Variants in IL20RB observed in about 807,000 individuals in gnomAD.
IL20RB encodes interleukin 20 receptor subunit beta.
A neutral mutation model predicts 33.3 loss-of-function variants in IL20RB; 21 were observed. The ratio of observed to expected loss-of-function variants is 0.63; its 90% CI spans 0.45 to 0.91. The LOEUF (loss-of-function observed/expected upper bound fraction) is 0.91, where lower values mean the gene tolerates loss of function less well. Among genes scored for constraint, IL20RB ranks in the 40% least tolerant of loss-of-function variants. The pLI, the probability that IL20RB is intolerant of heterozygous loss-of-function variation, is 0.00. For synonymous variants in IL20RB, 147 were observed against 146.8 expected (o/e 1.00, Z -0.01); for missense variants, 345 against 384.8 (o/e 0.90, Z 0.86).
At chr3:136,996,253 C>T (rs918073064) in intron 6 of IL20RB, among the ~76,000 whole-genome samples, 2 of 152,142 alleles carry the variant, frequency 1.3e-5, no homozygotes, top group Non-Finnish European at 2.9e-5. Context: ...CCTCCAACAG[C>T]TCCCCCATGT....
At chr3:136,980,323 T>G in intron 1 of IL20RB, 143 bp from the exon 2 acceptor site, 3 of 880,294 alleles carry the variant, frequency 3.4e-6, no homozygotes, top group East Asian at 2.4e-5. Context: ...TCTCATTCTG[T>G]TGTCTAGGCT....
chr3:136,978,244 C>T (rs550858139), intron 1 of IL20RB, among the ~76,000 whole-genome samples: 2 of 150,966 alleles, frequency 1.3e-5, no homozygotes, highest in East Asian at 3.9e-4. Flanking sequence ...TGGCTCACTG[C>T]AACCTCCGTC....
intron 1 of IL20RB, among the ~76,000 whole-genome samples, chr3:136,961,401 AC>A (rs1560063389): frequency 6.6e-6 from 1 of 151,796 alleles, no homozygotes; most frequent in Non-Finnish European, 1.5e-5. Context: ...CACCTGGGGA[AC>A]TTTTTAAAAG....
intron 1 of IL20RB, among the ~76,000 whole-genome samples, chr3:136,975,911 G>A (rs1408980828): frequency 6.6e-6 from 1 of 152,216 alleles, no homozygotes. Flanking sequence ...AGTGGTAGTG[G>A]TGGACTGGGC....
Position 136,997,317 on chromosome 3 carries a change from C to T in IL20RB, c.825+1761C>T, listed in dbSNP as rs551775812. Among the ~76,000 whole-genome samples the T allele has an allele frequency of 1.8e-3, 276 of 152,260 alleles. 1 individual carries two copies. Among genetic ancestry groups the T allele is most frequent in the African/African-American group, 6.3e-3 (263 of 41,540 alleles). ...CCATGTTGGCCAGGCTGGTCTCAAA[C>T]TCCTGACCTCATGATCCACCCACCT... is the stretch of plus-strand genomic sequence containing the variant. On this transcript the variant is annotated intron_variant, in intron 6 of 6. Coordinates refer to ENST00000329582, the MANE Select transcript of IL20RB (RefSeq NM_144717.4).
intron 3 of IL20RB, among the ~76,000 whole-genome samples, chr3:136,988,795 C>A (rs1181615239): frequency 6.6e-6 from 1 of 151,896 alleles, no homozygotes; most frequent in Non-Finnish European, 1.5e-5. Context: ...CAGCTGAGAA[C>A]TGGGCTGAGA....
intron 3 of IL20RB, among the ~76,000 whole-genome samples, chr3:136,986,415 C>T (rs1420699500): frequency 6.6e-6 from 1 of 152,054 alleles, no homozygotes; most frequent in East Asian, 1.9e-4. Flanking sequence ...ATTCTGGTCT[C>T]AATAAAGATG....
intron 1 of IL20RB, among the ~76,000 whole-genome samples, chr3:136,958,511 GTTCT>G (rs1941104531): frequency 6.6e-6 from 1 of 152,210 alleles, no homozygotes; most frequent in South Asian, 2.1e-4. Flanking sequence ...GTGCAATGTA[GTTCT>G]TTCAGACTTA....
chr3:136,999,685 T>G (rs566025133), intron 6 of IL20RB, among the ~76,000 whole-genome samples: 1 of 152,220 alleles, frequency 6.6e-6, no homozygotes, highest in African/African-American at 2.4e-5. Context: ...CTTCTTTTCC[T>G]CTTCTTTATT....
chr3:137,003,764 CT>C (rs1178552052), intron 6 of IL20RB, among the ~76,000 whole-genome samples: 5 of 152,198 alleles, frequency 3.3e-5, no homozygotes, highest in Non-Finnish European at 7.3e-5. Flanking sequence ...TTATTTCCTT[CT>C]CTTGCCTGCT....
chr3:136,979,016 G>T (rs1166506762), intron 1 of IL20RB, among the ~76,000 whole-genome samples: 1 of 152,118 alleles, frequency 6.6e-6, no homozygotes, highest in Non-Finnish European at 1.5e-5. Context: ...ATGTAGCTTT[G>T]TATTTATATA....
At chr3:137,010,073 T>C (rs1560080224) in intron 6 of IL20RB, 40 bp from the exon 7 acceptor site, 1 of 894,134 alleles carries the variant, frequency 1.1e-6, no homozygotes, top group South Asian at 1.3e-5. Context: ...TTACTACTAC[T>C]GCTATCCTCT....
rs185274246 is a variant in IL20RB at position 136,989,370 on chromosome 3, C to T, written c.407-71C>T. 3,899 of 1,576,868 alleles carry T rather than the reference C, an allele frequency of 2.5e-3. 57 individuals are homozygous for T. Among genetic ancestry groups the T allele is most frequent in the South Asian group, 0.025 (2,202 of 89,368 alleles). ...GACGGACATATTTCCATACATGACCCGGTCATTGTGTTCCAGGGAAATCAA... is the reference window on the plus strand; with the variant it reads ...GACGGACATATTTCCATACATGACCTGGTCATTGTGTTCCAGGGAAATCAA... On this transcript the variant is annotated intron_variant, in intron 3 of 6. Coordinates refer to ENST00000329582, the MANE Select transcript of IL20RB (RefSeq NM_144717.4).
intron 6 of IL20RB, among the ~76,000 whole-genome samples, chr3:137,004,273 C>T (rs1000775010): frequency 5.9e-5 from 9 of 152,152 alleles, no homozygotes; most frequent in African/African-American, 2.2e-4. Flanking sequence ...ATGATGCTGG[C>T]CTCATAAAAT....
rs543474226 is a variant in IL20RB, at chr3:136,999,858, C to T, written c.825+4302C>T. ...TTGTTTCTTTTTTATAGTAAATATT[C>T]TCTGCTGAGATTTTCTATTTGGTCA... is the stretch of plus-strand genomic sequence containing the variant. On this transcript the variant is annotated intron_variant, in intron 6 of 6. Transcript: ENST00000329582. Among the ~76,000 whole-genome samples the T allele has an allele frequency of 6.6e-5, 10 of 152,004 alleles. No individual in the cohort carries two copies. The East Asian group carries it at 1.9e-3, about 29-fold the overall frequency.
intron 3 of IL20RB, among the ~76,000 whole-genome samples, chr3:136,985,636 T>TG (rs1447933947): frequency 2.6e-5 from 4 of 152,148 alleles, no homozygotes; most frequent in African/African-American, 9.7e-5. Flanking sequence ...TACGCCTGGC[T>TG]GAGGGTCCCC....
intron 5 of IL20RB, among the ~76,000 whole-genome samples, chr3:136,993,537 C>T (rs1942071562): frequency 6.6e-6 from 1 of 152,118 alleles, no homozygotes; most frequent in Non-Finnish European, 1.5e-5. Flanking sequence ...TCGTCATTTA[C>T]ATTAGGTATA....
intron 1 of IL20RB, among the ~76,000 whole-genome samples, chr3:136,979,769 C>G (rs1180423719): frequency 6.6e-6 from 1 of 152,196 alleles, no homozygotes; most frequent in Non-Finnish European, 1.5e-5. Flanking sequence ...CTCTCCACAG[C>G]AGATCTGAGC....
At chr3:136,973,251 A>T (rs1941532424) in intron 1 of IL20RB, among the ~76,000 whole-genome samples, 1 of 151,656 alleles carries the variant, frequency 6.6e-6, no homozygotes. Context: ...GGAGACCAAG[A>T]TGGGTGGATC....
Sources: allele counts gnomAD v4.1 joint callset (sites outside exome capture counted in the v4.1 genomes callset), GRCh38; gene constraint gnomAD v4.1.1; transcripts MANE v1.5; gene names NCBI Gene and HGNC (gene_info 2026-07-23, HGNC 2026-07-21).